Variants in KRT8 observed in about 807,000 individuals in gnomAD.
The protein encoded by KRT8 is keratin, type II cytoskeletal 8.
Under a neutral mutation model 43.0 loss-of-function variants are expected in KRT8, and 24 were observed. That is an observed-to-expected ratio of 0.56 (90% CI 0.40 to 0.78). The LOEUF is 0.78. Among genes scored for constraint, KRT8 ranks in the 30% least tolerant of loss-of-function variants. The pLI is 0.00. For missense variants in KRT8, 492 were observed against 638.4 expected (o/e 0.77, Z 2.47); for synonymous variants, 214 against 261.2 (o/e 0.82, Z 1.74).
chr12:52,924,464 AAT>A (rs1207484275), intron 2 of KRT8, among the ~76,000 whole-genome samples: 4 of 151,742 alleles, frequency 2.6e-5, no homozygotes, highest in Admixed American at 6.6e-5. Context: ...AAAAAAAAAA[AAT>A]CATACTTGAT....
At chr12:52,898,945 C>A in intron 5 of KRT8, 46 bp from the exon 6 acceptor site, 1 of 1,565,144 alleles carries the variant, frequency 6.4e-7, no homozygotes. Flanking sequence ...GGTATGCCTT[C>A]TCTTCTCCCG....
intron 2 of KRT8, among the ~76,000 whole-genome samples, chr12:52,941,478 C>CTTTTTTTT (rs774607187): frequency 1.4e-4 from 10 of 72,580 alleles, no homozygotes; most frequent in African/African-American, 4.9e-4. Context: ...AGTTTTTGCT[C>CTTTTTTTT]TTTTTTTTTT....
intron 2 of KRT8, among the ~76,000 whole-genome samples, chr12:52,912,828 G>A (rs1387132718): frequency 6.6e-6 from 1 of 152,218 alleles, no homozygotes; most frequent in African/African-American, 2.4e-5. Context: ...GTCAGGCCAG[G>A]GGCTGTGGAC....
chr12:52,932,195 G>GT (rs1308180151), intron 2 of KRT8, among the ~76,000 whole-genome samples: 1 of 148,356 alleles, frequency 6.7e-6, no homozygotes, highest in Non-Finnish European at 1.5e-5. Flanking sequence ...CTGGGTTCAA[G>GT]TGCCTGCCTC....
chr12:52,899,787 G>A lies in KRT8; in HGVS notation c.969C>T (p.Gly323=), dbSNP rs755176052. ...ACCCGGCCCATACCTGGCCTTTGAG[G>A]CCCTCAATCTCAGCCTGGAGCCGGC... Residue 323 remains glycine, a synonymous_variant, in exon 5 of 8, where the codon GGC becomes GGT. Transcript: ENST00000692008. 1.9e-6 allele frequency: 3 copies of A among 1,611,764 alleles called. No homozygotes were observed. The East Asian group carries it at 6.7e-5, about 36-fold the overall frequency.
rs546791084 is a variant in KRT8, at chr12:52,948,770, G to A, written c.-47+686C>T. The A allele has an allele frequency of 1.7e-3, 696 of 408,340 alleles. 1 individual carries two copies. Among genetic ancestry groups the A allele is most frequent in the Non-Finnish European group, 2.5e-3 (590 of 234,074 alleles). 25.3% of individuals were successfully genotyped at this position (408,340 alleles called of 1,614,324 possible). On this transcript the variant is annotated intron_variant, in intron 2 of 6. Coordinates refer to the KRT8 transcript ENST00000546826. ...CTCCCAAAGTGCTGAGATTACAGGC[G>A]TGAGCCACTGCGCCCGGTCAAGACT...
In KRT8 at chr12:52,917,710, A is replaced by AAAAAAAG. The variant is rs1440395665; in HGVS notation, c.-46-12684_-46-12683insCTTTTTT. Among the ~76,000 whole-genome samples, 42 of 86,644 alleles carry AAAAAAAG rather than the reference A, an allele frequency of 4.8e-4. 1 individual carries two copies. The highest frequency in any genetic ancestry group is 2.6e-3 in the South Asian group (5 of 1,916). 56.8% of individuals were successfully genotyped at this position (86,644 alleles called of 152,430 possible). Reference sequence around the variant, plus strand: ...GGTGATAGGGCGAGACTCTGTCTCAAAAAAAAAAAAAAAAAAAAATTCGCC... The same window carrying AAAAAAAG: ...GGTGATAGGGCGAGACTCTGTCTCAAAAAAAAGAAAAAAAAAAAAAAAAAAATTCGCC... On this transcript the variant is annotated intron_variant, in intron 2 of 6. Coordinates refer to the KRT8 transcript ENST00000546826.
intron 2 of KRT8, among the ~76,000 whole-genome samples, chr12:52,912,520 G>C (rs1941655652): frequency 6.6e-6 from 1 of 152,220 alleles, no homozygotes; most frequent in Non-Finnish European, 1.5e-5. Flanking sequence ...ACACTTGCAT[G>C]CCCTAGCACA....
At chr12:52,918,205 CAAGAAGAAG>C (rs371624304) in intron 2 of KRT8, among the ~76,000 whole-genome samples, 2,321 of 116,686 alleles carry the variant, frequency 0.02, 65 homozygotes, top group Non-Finnish European at 0.027. Context: ...AGAAGAAGAA[CAAGAAGAAG>C]AAGAAGAAGA....
chr12:52,931,071 C>G (rs11615553), intron 2 of KRT8, among the ~76,000 whole-genome samples: 49,470 of 146,030 alleles, frequency 0.34, 8,577 homozygotes, highest in Middle Eastern at 0.41. Context: ...CCCCCAGATT[C>G]TTTTTTTTTT....
chr12:52,939,708 G>A (rs79965438), intron 2 of KRT8, among the ~76,000 whole-genome samples: 1 of 11,014 alleles, frequency 9.1e-5, no homozygotes, highest in Non-Finnish European at 1.4e-4. Context: ...AGTGACAGAC[G>A]GGGAGACTCC....
rs186211317 is a variant in KRT8, at chr12:52,933,710, C to T, written c.-47+15746G>A. Among the ~76,000 whole-genome samples, 579 of 152,018 alleles carry T rather than the reference C, an allele frequency of 3.8e-3. 4 individuals are homozygous for T. The highest frequency in any genetic ancestry group is 0.013 in the African/African-American group (555 of 41,482). On this transcript the variant is annotated intron_variant, in intron 2 of 6. Coordinates refer to the KRT8 transcript ENST00000546826. ...GACAGTCTCGGCTCACTGCAAACTC[C>T]GCCTCCCGGGTTCAAGCAATTCTCT...
At chr12:52,922,927 T>C (rs1941917197) in intron 2 of KRT8, among the ~76,000 whole-genome samples, 1 of 152,154 alleles carries the variant, frequency 6.6e-6, no homozygotes, top group South Asian at 2.1e-4. Flanking sequence ...GAGCTTGAAC[T>C]GATCGGCCAA....
chr12:52,937,367 G>A (rs1170884946), intron 2 of KRT8, among the ~76,000 whole-genome samples: 44 of 145,996 alleles, frequency 3.0e-4, no homozygotes, highest in African/African-American at 1.1e-3. Flanking sequence ...AACAAGACTC[G>A]GTCTCTAAAA....
At chr12:52,931,899 G>A (rs370148162) in intron 2 of KRT8, among the ~76,000 whole-genome samples, 3 of 152,072 alleles carry the variant, frequency 2.0e-5, no homozygotes, top group Non-Finnish European at 4.4e-5. Context: ...CTGACCTCAA[G>A]TGATCCATCT....
upstream of KRT8, among the ~76,000 whole-genome samples, chr12:52,910,298 G>A (rs1298299209): frequency 1.3e-5 from 2 of 152,154 alleles, no homozygotes; most frequent in Admixed American, 6.5e-5. Flanking sequence ...AAGCTTCCTC[G>A]GTACAGCCAG....
exon 8 of KRT8, chr12:52,897,549 C>A: frequency 6.9e-6 from 11 of 1,597,898 alleles, no homozygotes; most frequent in Non-Finnish European, 8.5e-6. Context: ...CGCGCCAGAG[C>A]CAAAGCTGGA....
At chr12:52,920,263 T>C (rs541918525) in intron 2 of KRT8, among the ~76,000 whole-genome samples, 26 of 152,270 alleles carry the variant, frequency 1.7e-4, no homozygotes, top group African/African-American at 5.3e-4. Context: ...TCTCCTACAG[T>C]AGGGATTCTG....
intron 2 of KRT8, among the ~76,000 whole-genome samples, chr12:52,925,883 T>TC (rs1941979591): frequency 1.3e-5 from 2 of 151,688 alleles, no homozygotes; most frequent in South Asian, 4.2e-4. Context: ...TGCGTTTCTC[T>TC]CCCCCTCAGG....
Sources: gnomAD v4.1 joint callset for allele counts (sites outside exome capture counted in the v4.1 genomes callset) on GRCh38, gnomAD v4.1.1 for gene constraint, MANE v1.5 for transcripts, NCBI Gene and HGNC (gene_info 2026-07-23, HGNC 2026-07-21) for gene names.